The following NLGN1 variants were observed in gnomAD, a reference collection of about 807,000 sequenced individuals.
NLGN1 encodes neuroligin 1, also known as neuroligin-1.
Under a neutral mutation model 65.5 loss-of-function variants are expected in NLGN1, and 12 were observed. That is an observed-to-expected ratio of 0.18 (90% CI 0.12 to 0.30). The LOEUF (loss-of-function observed/expected upper bound fraction) is 0.30, where lower values mean the gene tolerates loss of function less well. Among genes scored for constraint, NLGN1 ranks in the 10% least tolerant of loss-of-function variants. The pLI, the probability that NLGN1 is intolerant of heterozygous loss-of-function variation, is 1.00. For missense variants in NLGN1, 750 were observed against 1,007.1 expected (o/e 0.74, Z 3.46); for synonymous variants, 350 against 359.5 (o/e 0.97, Z 0.30).
intron 3 of NLGN1, among the ~76,000 whole-genome samples, chr3:173,607,488 T>C (rs1751568575): frequency 6.6e-6 from 1 of 151,634 alleles, no homozygotes; most frequent in Admixed American, 6.6e-5. Flanking sequence ...TAACAAAAAT[T>C]TTTGATGTAA....
chr3:174,234,265 G>A (rs1741248301), intron 4 of NLGN1, among the ~76,000 whole-genome samples: 1 of 152,104 alleles, frequency 6.6e-6, no homozygotes, highest in Non-Finnish European at 1.5e-5. Flanking sequence ...GGTGACTTGA[G>A]AGATCAAGTG....
chr3:173,945,463 G>C (rs1159190428), intron 4 of NLGN1, among the ~76,000 whole-genome samples: 1 of 152,014 alleles, frequency 6.6e-6, no homozygotes, highest in African/African-American at 2.4e-5. Context: ...GTAGTATTCA[G>C]CTGCCAACCC....
intron 4 of NLGN1, chr3:174,180,864 A>G (rs1458514647): frequency 6.6e-6 from 1 of 152,092 alleles, no homozygotes; most frequent in Non-Finnish European, 1.5e-5. Flanking sequence ...AACAATGTAT[A>G]GAACTATAGA....
chr3:173,578,747 A>G (rs1745935881), intron 2 of NLGN1, among the ~76,000 whole-genome samples: 1 of 152,206 alleles, frequency 6.6e-6, no homozygotes, highest in Non-Finnish European at 1.5e-5. Flanking sequence ...CAATCATGGT[A>G]CTATGGAATT....
chr3:173,819,672 T>G (rs1336507648), intron 4 of NLGN1, among the ~76,000 whole-genome samples: 1 of 152,206 alleles, frequency 6.6e-6, no homozygotes, highest in Non-Finnish European at 1.5e-5. Context: ...GTCTCTACTT[T>G]GGTATGCATA....
At chr3:174,124,555 A>G (rs988787177) in intron 4 of NLGN1, among the ~76,000 whole-genome samples, 1 of 147,258 alleles carries the variant, frequency 6.8e-6, no homozygotes, top group Non-Finnish European at 1.5e-5. Context: ...ACTTATATAT[A>G]TACGTATATA....
intron 5 of NLGN1, among the ~76,000 whole-genome samples, chr3:174,277,281 A>G (rs1269206471): frequency 2.0e-5 from 3 of 151,832 alleles, no homozygotes; most frequent in Non-Finnish European, 4.4e-5. Flanking sequence ...AAATCCCACA[A>G]TGCTCAGGCC....
At chr3:173,740,367 A>G (rs1399999199) in intron 3 of NLGN1, among the ~76,000 whole-genome samples, 2 of 152,116 alleles carry the variant, frequency 1.3e-5, no homozygotes, top group African/African-American at 4.8e-5. Flanking sequence ...GGATTCCTAC[A>G]TTCATCACCT....
chr3:173,898,031 C>CAA lies in NLGN1; in HGVS notation c.646+90207_646+90208dup, dbSNP rs146685453. On this transcript the variant is annotated intron_variant, in intron 4 of 6. Coordinates refer to ENST00000457714, the Ensembl canonical transcript of NLGN1. Reference sequence around the variant, plus strand: ...TACTTGAATTATCATGATTCAATAGCAAAAAAAAATCCTAATAAAAGTTTC... The same window carrying CAA: ...TACTTGAATTATCATGATTCAATAGCAAAAAAAAAAATCCTAATAAAAGTTTC... 1.7e-3 allele frequency among the ~76,000 whole-genome samples: 257 copies of CAA among 150,890 alleles called. 1 individual carries two copies. The highest frequency in any genetic ancestry group is 5.8e-3 in the African/African-American group (241 of 41,204).
chr3:174,246,478 G>A (rs988584571), intron 4 of NLGN1, among the ~76,000 whole-genome samples: 5 of 152,106 alleles, frequency 3.3e-5, no homozygotes, highest in Non-Finnish European at 7.4e-5. Flanking sequence ...GGAATGCGTG[G>A]CCTGATCACA....
At chr3:174,136,981 A>G (rs1260803926) in intron 4 of NLGN1, among the ~76,000 whole-genome samples, 1 of 152,152 alleles carries the variant, frequency 6.6e-6, no homozygotes, top group East Asian at 1.9e-4. Context: ...AGCCTAGCCT[A>G]TCTTAAGCAT....
At chr3:174,246,527 T>C (rs1374380938) in intron 4 of NLGN1, among the ~76,000 whole-genome samples, 1 of 152,152 alleles carries the variant, frequency 6.6e-6, no homozygotes, top group Non-Finnish European at 1.5e-5. Context: ...TAAGTGATCC[T>C]CCGGCTTCAG....
chr3:174,238,555 G>T (rs1742175275), intron 4 of NLGN1, among the ~76,000 whole-genome samples: 1 of 152,068 alleles, frequency 6.6e-6, no homozygotes, highest in African/African-American at 2.4e-5. Context: ...TAGAGATGGG[G>T]TTTTACCACG....
intron 2 of NLGN1, among the ~76,000 whole-genome samples, chr3:173,449,021 A>T (rs1720954765): frequency 6.6e-6 from 1 of 151,950 alleles, no homozygotes; most frequent in African/African-American, 2.4e-5. Context: ...CGGCTCCTGG[A>T]TTCATTGATT....
chr3:173,659,460 G>A (rs1416257112), intron 3 of NLGN1, among the ~76,000 whole-genome samples: 2 of 151,834 alleles, frequency 1.3e-5, no homozygotes, highest in African/African-American at 4.8e-5. Context: ...CATTTACCTA[G>A]TGTGTACAGG....
At chr3:174,156,613 AT>A (rs1265911023) in intron 4 of NLGN1, among the ~76,000 whole-genome samples, 1 of 151,766 alleles carries the variant, frequency 6.6e-6, no homozygotes, top group East Asian at 1.9e-4. Flanking sequence ...AATGATATGA[AT>A]TTTAAAATAG....
At chr3:174,131,221 T>C (rs9821270) in intron 4 of NLGN1, among the ~76,000 whole-genome samples, 10,059 of 152,238 alleles carry the variant, frequency 0.066, 464 homozygotes, top group African/African-American at 0.12. Context: ...ATAGTATTAA[T>C]AGCAATAATA....
chr3:173,725,363 A>C (rs377507426), intron 3 of NLGN1, among the ~76,000 whole-genome samples: 2 of 152,152 alleles, frequency 1.3e-5, no homozygotes, highest in East Asian at 3.9e-4. Flanking sequence ...AAGATTAAAA[A>C]ACACTAAACC....
chr3:173,476,044 T>C (rs1382216147), intron 2 of NLGN1, among the ~76,000 whole-genome samples: 1 of 152,218 alleles, frequency 6.6e-6, no homozygotes, highest in Non-Finnish European at 1.5e-5. Context: ...TACAGTGCCT[T>C]ATAAATATTG....
Sources: allele counts gnomAD v4.1 joint callset (sites outside exome capture counted in the v4.1 genomes callset), GRCh38; gene constraint gnomAD v4.1.1; transcripts MANE v1.5; gene names NCBI Gene and HGNC (gene_info 2026-07-23, HGNC 2026-07-21).